The following ZNF514 variants were observed in gnomAD, a reference collection of about 807,000 sequenced individuals.
The protein encoded by ZNF514 is zinc finger protein 514.
Under a neutral mutation model 9.7 loss-of-function variants are expected in ZNF514, and 12 were observed. That is an observed-to-expected ratio of 1.24 (90% confidence interval 0.79 to 2.01). ZNF514 has a LOEUF of 2.01. ZNF514 is among the 30% of genes most tolerant of loss of function. The pLI, the probability that ZNF514 is intolerant of heterozygous loss-of-function variation, is 0.00. For synonymous variants in ZNF514, 158 were observed against 163.7 expected (o/e 0.97, Z 0.27); for missense variants, 467 against 465.5 (o/e 1.00, Z -0.03).
At chr2:95,158,638 C>T (rs1195341983) in intron 1 of ZNF514, among the ~76,000 whole-genome samples, 1 of 152,248 alleles carries the variant, frequency 6.6e-6, no homozygotes, top group Non-Finnish European at 1.5e-5. Context: ...CCAAGGGCCA[C>T]TCCCTCTTGG....
intron 4 of ZNF514, 147 bp from the exon 5 acceptor site, chr2:95,150,414 CT>C: frequency 1.1e-6 from 1 of 882,996 alleles, no homozygotes; most frequent in Non-Finnish European, 1.6e-6. Context: ...TCAATAATGG[CT>C]TATGTCTGAA....
chr2:95,146,387 A>C lies in ZNF514; in HGVS notation c.*2895T>G, dbSNP rs1673360403. 1.3e-5 allele frequency among the ~76,000 whole-genome samples: 2 copies of C among 152,144 alleles called. No homozygotes were observed. Among genetic ancestry groups the C allele is most frequent in the Non-Finnish European group, 2.9e-5 (2 of 68,042 alleles). On this transcript the variant is annotated 3_prime_UTR_variant, in exon 5 of 5. Transcript: ENST00000295208. Reference sequence around the variant, plus strand: ...ACTTCATATCAGTTTTCAAGAGAACACCTCTCCAAGGAAGGGAAATTTACA... The same window carrying C: ...ACTTCATATCAGTTTTCAAGAGAACCCCTCTCCAAGGAAGGGAAATTTACA...
chr2:95,123,592 T>G, the ZNF514 span, among the ~76,000 whole-genome samples: 80 of 152,198 alleles, frequency 5.3e-4, no homozygotes, highest in Non-Finnish European at 3.1e-4. Context: ...TTCAGGCAAC[T>G]GGTCACAGGT....
Position 95,155,863 on chromosome 2 carries a change from G to C in ZNF514, c.-7+1488C>G, listed in dbSNP as rs190624631. On this transcript the variant is annotated intron_variant, in intron 2 of 4. Transcript: ENST00000295208. ...TGGAAACCCAAAGAGCCATCCCCGG[G>C]TTCTCACACTGCTCTTTCCCTCTGA... Among the ~76,000 whole-genome samples the C allele has an allele frequency of 8.5e-5, 13 of 152,172 alleles. No homozygotes were observed. In the East Asian group the frequency reaches 2.1e-3, roughly 25 times the overall value.
rs766605395 is a variant in ZNF514, at chr2:95,149,237, G to A, written c.*45C>T. The A allele has an allele frequency of 1.3e-6, 2 of 1,520,902 alleles. No individual in the cohort carries two copies. Among genetic ancestry groups the A allele is most frequent in the East Asian group, 2.3e-5 (1 of 44,154 alleles). The allele number at this position is 1,520,902 out of a possible 1,614,324, so 94.2% of individuals were successfully genotyped here. On this transcript the variant is annotated 3_prime_UTR_variant, in exon 5 of 5. Transcript: ENST00000295208. ...TCTGATATGAATTCTTTAAGTTCCA[G>A]TGATGTCTGCACTCCAGCTGAAAGC... is the stretch of plus-strand genomic sequence containing the variant.
rs1673454630 is a variant in ZNF514 at position 95,149,362 on chromosome 2, T to C, written c.1123A>G (p.Asn375Asp). The C allele has an allele frequency of 6.2e-7, 1 of 1,613,900 alleles. No homozygotes were observed. ...FHTGEKPYKC[N>D]ECGRAFAHTA... Reference sequence around the variant, plus strand: ...TGAGCAAAGGCCCTTCCACACTCATTACATTTGTAGGGTTTCTCTCCAGTG... The same window carrying C: ...TGAGCAAAGGCCCTTCCACACTCATCACATTTGTAGGGTTTCTCTCCAGTG... The change falls in exon 5 of 5, where the codon AAT becomes GAT. Residue 375 changes from asparagine to aspartate, a missense_variant. Physicochemically the swap from Asn to Asp is conservative, Grantham distance 23. Coordinates refer to ENST00000295208, the MANE Select transcript of ZNF514 (RefSeq NM_032788.3).
chr2:95,128,239 A>G, the ZNF514 span, among the ~76,000 whole-genome samples: 1 of 152,116 alleles, frequency 6.6e-6, no homozygotes, highest in Non-Finnish European at 1.5e-5. Flanking sequence ...CTAAAAATAT[A>G]AAAAGCCAGG....
rs1446624334 is a variant in ZNF514 at position 95,145,990 on chromosome 2, C to A, written c.*3292G>T. ...TTCTCAGGATCTCCTGGGGCTGTGT[C>A]AGACTTGTTTCTTATCAGACTTAAA... On this transcript the variant is annotated 3_prime_UTR_variant, in exon 5 of 5. Transcript: ENST00000295208. 6.6e-6 allele frequency among the ~76,000 whole-genome samples: 1 copy of A among 152,096 alleles called. No individual in the cohort carries two copies. The highest frequency in any genetic ancestry group is 2.4e-5 in the African/African-American group (1 of 41,434).
rs1349698254 is a variant in ZNF514 at position 95,159,554 on chromosome 2, C to A, written c.-410G>T. 6.6e-6 allele frequency: 1 copy of A among 152,044 alleles called. No individual in the cohort carries two copies. The highest frequency in any genetic ancestry group is 1.9e-4 in the East Asian group (1 of 5,134). The allele number at this position is 152,044 out of a possible 1,614,324, so 9.4% of individuals were successfully genotyped here. A position where few individuals can be genotyped will look rare whatever the true frequency, so the allele number is the denominator to read the frequency against. On this transcript the variant is annotated 5_prime_UTR_variant, in exon 1 of 5. Transcript: ENST00000295208. ...GGCGCGGGCCCAGTACAGGTCTGCG[C>A]GCCCGCAGTCTCCGAACGCTCACAG...
the ZNF514 span, among the ~76,000 whole-genome samples, chr2:95,132,175 G>C: frequency 2.1e-5 from 3 of 142,116 alleles, no homozygotes; most frequent in Non-Finnish European, 3.1e-5. Context: ...AAAAAACAGA[G>C]AGAGAAAATT....
rs541511256 is a variant in ZNF514, at chr2:95,145,538, T to C, written c.*3744A>G. On this transcript the variant is annotated 3_prime_UTR_variant, in exon 5 of 5. Coordinates refer to ENST00000295208, the MANE Select transcript of ZNF514 (RefSeq NM_032788.3). ...GAACCTTGGTCTCCACAACACCTTATCTTAACCCAGACATTCCCTTCTATT... is the reference window on the plus strand; with the variant it reads ...GAACCTTGGTCTCCACAACACCTTACCTTAACCCAGACATTCCCTTCTATT... Among the ~76,000 whole-genome samples, 13 of 152,270 alleles carry C rather than the reference T, an allele frequency of 8.5e-5. No homozygotes were observed. Among genetic ancestry groups the C allele is most frequent in the South Asian group, 4.2e-4 (2 of 4,818 alleles).
chr2:95,145,707 T>TA lies in ZNF514; in HGVS notation c.*3574dup, dbSNP rs1194889600. Among the ~76,000 whole-genome samples the TA allele has an allele frequency of 1.3e-5, 2 of 152,198 alleles. No individual in the cohort carries two copies. Among genetic ancestry groups the TA allele is most frequent in the Non-Finnish European group, 2.9e-5 (2 of 68,040 alleles). ...TTCTCCATCGAACCAATGTAAATCTTACATGTATTGATGTCTTACATTCCC... is the reference window on the plus strand; with the variant it reads ...TTCTCCATCGAACCAATGTAAATCTTAACATGTATTGATGTCTTACATTCCC... On this transcript the variant is annotated 3_prime_UTR_variant, in exon 5 of 5. Coordinates refer to ENST00000295208, the MANE Select transcript of ZNF514 (RefSeq NM_032788.3).
At chr2:95,152,097 TCTGCTCCAAGG>T in intron 4 of ZNF514, among the ~76,000 whole-genome samples, 1 of 152,296 alleles carries the variant, frequency 6.6e-6, no homozygotes, top group East Asian at 1.9e-4. Flanking sequence ...AGTCAAGAAT[TCTGCTCCAAGG>T]CATATAGCCT....
At position 95,147,065 on chromosome 2, in the gene ZNF514, A is replaced by G. The variant is rs964834664; in HGVS notation, c.*2217T>C. Among the ~76,000 whole-genome samples, 1 of 152,154 alleles carries G rather than the reference A, an allele frequency of 6.6e-6. No homozygotes were observed. Among genetic ancestry groups the G allele is most frequent in the Non-Finnish European group, 1.5e-5 (1 of 68,024 alleles). Reference sequence around the variant, plus strand: ...TTCCTCATCTGGACTTTAAATGCTTAAAGTATTTTCCTCAGTATAAGCTAA... The same window carrying G: ...TTCCTCATCTGGACTTTAAATGCTTGAAGTATTTTCCTCAGTATAAGCTAA... On this transcript the variant is annotated 3_prime_UTR_variant, in exon 5 of 5. Coordinates refer to ENST00000295208, the MANE Select transcript of ZNF514 (RefSeq NM_032788.3).
the ZNF514 span, among the ~76,000 whole-genome samples, chr2:95,138,726 C>T: frequency 2.0e-5 from 3 of 152,310 alleles, no homozygotes; most frequent in East Asian, 5.8e-4. Context: ...AAAGAAAAAG[C>T]TTTACTGGGA....
chr2:95,150,272 TAAAA>T lies in ZNF514; in HGVS notation c.218-9_218-6del, dbSNP rs34282100. 89 of 1,339,764 alleles carry T rather than the reference TAAAA, an allele frequency of 6.6e-5. No individual in the cohort carries two copies. The highest frequency in any genetic ancestry group is 2.2e-4 in the Admixed American group (8 of 35,964). The allele number at this position is 1,339,764 out of a possible 1,614,324, so 83.0% of individuals were successfully genotyped here. ...ATTTAGACCTTCTCTTCCAGTCTGTTAAAAAAAAAAAAAAAAAAAGAAGACATTC... is the reference window on the plus strand; with the variant it reads ...ATTTAGACCTTCTCTTCCAGTCTGTTAAAAAAAAAAAAAAAGAAGACATTC... On this transcript the variant is annotated splice_region_variant and splice_polypyrimidine_tract_variant and intron_variant, in intron 4 of 4. Transcript: ENST00000295208.
At chr2:95,153,413 T>C (rs2104471385) in intron 2 of ZNF514, 154 bp from the exon 3 acceptor site, 1 of 654,178 alleles carries the variant, frequency 1.5e-6, no homozygotes, top group East Asian at 3.0e-5. Context: ...GTCAAAAGGT[T>C]TTATTCTCAA....
chr2:95,155,373 A>G (rs556580879), intron 2 of ZNF514: 1 of 152,356 alleles, frequency 6.6e-6, no homozygotes, highest in South Asian at 2.1e-4. Context: ...GTGTCTGTCC[A>G]GTGGAATTTC....
the ZNF514 span, among the ~76,000 whole-genome samples, chr2:95,128,528 C>T: frequency 3.3e-5 from 5 of 151,826 alleles, no homozygotes; most frequent in African/African-American, 1.2e-4. Flanking sequence ...TGCACTCCAG[C>T]CTGGGCGACA....
Sources: allele counts gnomAD v4.1 joint callset (sites outside exome capture counted in the v4.1 genomes callset), GRCh38; gene constraint gnomAD v4.1.1; transcripts MANE v1.5; gene names NCBI Gene and HGNC (gene_info 2026-07-23, HGNC 2026-07-21).